The following SPNS1 variants were observed in gnomAD, a reference collection of about 807,000 sequenced individuals.
SPNS1 encodes SPNS lysolipid transporter 1, lysophospholipid.
In SPNS1, 22 loss-of-function variants were observed where a neutral mutation model predicts 50.3. That is an observed-to-expected ratio of 0.44 (90% CI 0.31 to 0.62). The LOEUF is 0.62. Among genes scored for constraint, SPNS1 ranks in the 20% least tolerant of loss-of-function variants. SPNS1 has a pLI of 0.07. For synonymous variants in SPNS1, 295 were observed against 317.4 expected, an observed-to-expected ratio of 0.93 and a Z score of 0.75; for missense variants, 576 against 728.6, an observed-to-expected ratio of 0.79 and a Z score of 2.41.
rs550212603 is a variant in SPNS1 at position 28,984,069 on chromosome 16, G to A, written c.1492+112G>A. ...TCAGTCCACAGCCCTCCCCTTGTTTGGCCTCCAGTCTGTCTGCATCCACCC... is the reference window on the plus strand; with the variant it reads ...TCAGTCCACAGCCCTCCCCTTGTTTAGCCTCCAGTCTGTCTGCATCCACCC... On this transcript the variant is annotated intron_variant, in intron 11 of 11. Transcript: ENST00000311008. 41 of 1,447,594 alleles carry A rather than the reference G, an allele frequency of 2.8e-5. 1 individual carries two copies. The Middle Eastern group carries it at 5.5e-4, about 19-fold the overall frequency. 89.7% of individuals were successfully genotyped at this position (1,447,594 alleles called of 1,614,324 possible). A position where few individuals can be genotyped will look rare whatever the true frequency, so the allele number is the denominator to read the frequency against.
intron 5 of SPNS1, 108 bp downstream of exon 5, chr16:28,979,579 CTTG>C (rs1965472709): frequency 2.5e-5 from 29 of 1,174,194 alleles, no homozygotes; most frequent in Non-Finnish European, 3.4e-5. Context: ...GAGACAGGGT[CTTG>C]TTGTGTCACC....
intron 7 of SPNS1, 138 bp from the exon 8 acceptor site, chr16:28,982,218 T>A: frequency 7.5e-7 from 1 of 1,341,878 alleles, no homozygotes; most frequent in African/African-American, 1.5e-5. Context: ...GATGGGATGA[T>A]GTCTGCCACT....
chr16:28,979,166 G>T lies in SPNS1; in HGVS notation c.456G>T (p.Leu152=), dbSNP rs773062727. ...GTCTCTCTCCCCAGCATTTCTGGCT[G>T]CTCCTCCTGACCCGGGGCCTGGTGG... ...SSFIPGEHFW[L]LLLTRGLVGV... Residue 152 remains leucine, a synonymous_variant, in exon 4 of 12, where the codon CTG becomes CTT. Coordinates refer to ENST00000311008, the MANE Select transcript of SPNS1 (RefSeq NM_032038.3). 6.2e-6 allele frequency: 10 copies of T among 1,613,738 alleles called. No homozygotes were observed. The African/African-American group carries it at 9.3e-5, about 15-fold the overall frequency.
chr16:28,982,476 C>G lies in SPNS1; in HGVS notation c.1086C>G (p.Gly362=), dbSNP rs1217590898. 3.1e-6 allele frequency: 5 copies of G among 1,613,864 alleles called. No homozygotes were observed. Among genetic ancestry groups the G allele is most frequent in the Non-Finnish European group, 2.5e-6 (3 of 1,179,946 alleles). The part of the protein sequence containing the change: ...PRADPLVCAT[G]LLGSAPFLFL... The stretch of plus-strand genomic sequence containing the variant: ...CTGATCCCCTGGTCTGTGCCACTGG[C>G]CTCCTGGGCTCTGCACCCTTCCTCT... The change falls in exon 8 of 12, where the codon GGC becomes GGG. Residue 362 remains glycine (G), a synonymous_variant. Transcript: ENST00000311008.
Position 28,983,707 on chromosome 16 carries a change from C to G in SPNS1, c.1321-79C>G. ...TTCCTGGGCTCCACTTGTCTTTCTC[C>G]CTGGAGCTCAGGGGCGTGCCCTCCC... On this transcript the variant is annotated intron_variant, in intron 10 of 11. Transcript: ENST00000311008. The surrounding 1 kb of genome is among the most constrained non-coding windows in gnomAD (Gnocchi z 5.4). The G allele has an allele frequency of 1.4e-6, 2 of 1,457,990 alleles. No homozygotes were observed. The highest frequency in any genetic ancestry group is 1.8e-6 in the Non-Finnish European group (2 of 1,095,030). The allele number at this position is 1,457,990 out of a possible 1,614,324, so 90.3% of individuals were successfully genotyped here.
chr16:28,975,000 C>T lies in SPNS1; in HGVS notation c.-152C>T. 6.9e-7 allele frequency: 1 copy of T among 1,447,032 alleles called. No homozygotes were observed. The highest frequency in any genetic ancestry group is 9.1e-7 in the Non-Finnish European group (1 of 1,101,550). The allele number at this position is 1,447,032 out of a possible 1,614,324, so 89.6% of individuals were successfully genotyped here. A position where few individuals can be genotyped will look rare whatever the true frequency, so the allele number is the denominator to read the frequency against. ...GCGTGACAGGGCCCGGGTCCCTTCT[C>T]AGTGGTGCTCTGTGCTTCAGGGCAA... On this transcript the variant is annotated 5_prime_UTR_variant, in exon 1 of 12. Coordinates refer to ENST00000311008, the MANE Select transcript of SPNS1 (RefSeq NM_032038.3).
intron 2 of SPNS1, among the ~76,000 whole-genome samples, chr16:28,976,823 G>T (rs1480007966): frequency 6.6e-6 from 1 of 152,192 alleles, no homozygotes; most frequent in African/African-American, 2.4e-5. Flanking sequence ...TAGGCAGCCG[G>T]ATTTATTCAC....
intron 2 of SPNS1, 127 bp from the exon 3 acceptor site, chr16:28,977,781 G>C (rs1330260231): frequency 1.6e-5 from 19 of 1,209,208 alleles, no homozygotes; most frequent in Non-Finnish European, 5.8e-6. Flanking sequence ...TTCAGGCTGG[G>C]ATGTGGGGGT....
At chr16:28,976,635 C>A (rs1965353869) in intron 2 of SPNS1, among the ~76,000 whole-genome samples, 1 of 152,160 alleles carries the variant, frequency 6.6e-6, no homozygotes, top group Non-Finnish European at 1.5e-5. Context: ...CAGGGTCACA[C>A]CACCAGTTGG....
intron 5 of SPNS1, 23 bp downstream of exon 5, chr16:28,979,494 G>T: frequency 6.2e-7 from 1 of 1,613,538 alleles, no homozygotes; most frequent in East Asian, 2.2e-5. Flanking sequence ...TTGGCCTGGG[G>T]GTAGGTCAGC....
At chr16:28,975,421 G>A in intron 1 of SPNS1, 29 bp downstream of exon 1, 1 of 1,614,238 alleles carries the variant, frequency 6.2e-7, no homozygotes, top group Non-Finnish European at 8.5e-7. Context: ...GAGGAAGATA[G>A]TCTAGGAGAG....
chr16:28,981,872 C>G lies in SPNS1; in HGVS notation c.810-29C>G. On this transcript the variant is annotated intron_variant, in intron 6 of 11. Coordinates refer to ENST00000311008, the MANE Select transcript of SPNS1 (RefSeq NM_032038.3). This position sits in a 1 kb window ranked among gnomAD's most constrained non-coding sequence, Gnocchi z 4.2. ...TCCTGCCTCGACACCTCCGTGGGGT[C>G]TTACTCTCTCCCTCCCAACTATCTG... 1 of 1,613,256 alleles carries G rather than the reference C, an allele frequency of 6.2e-7. No individual in the cohort carries two copies. Among genetic ancestry groups the G allele is most frequent in the Non-Finnish European group, 8.5e-7 (1 of 1,179,568 alleles).
At chr16:28,975,716 A>G (rs542830868) in intron 2 of SPNS1, among the ~76,000 whole-genome samples, 159 bp downstream of exon 2, 203 of 152,266 alleles carry the variant, frequency 1.3e-3, no homozygotes, top group Non-Finnish European at 2.0e-3. Context: ...GCGGGACACC[A>G]CATTTAAAGA....
rs1393513404 is a variant in SPNS1 at position 28,982,891 on chromosome 16, T to C, written c.1190T>C (p.Met397Thr). The change falls in exon 9 of 12, where the codon ATG becomes ACG. Residue 397 changes from methionine (M) to threonine (T), a missense_variant. Physicochemically the swap from Met to Thr is moderately conservative, Grantham distance 81. Around this residue, in one of 3 missense-constraint regions of SPNS1, gnomAD observed 428 missense variants for 520.1 expected, o/e 0.82. Transcript: ENST00000311008. The stretch of plus-strand genomic sequence containing the variant: ...TTCATTGGAGAGACCCTCCTGTCCA[T>C]GAACTGGGCCATCGTGGCCGACATT... ...FIFIGETLLS[M>T]NWAIVADILL... is the part of the protein sequence containing the mutation. The C allele has an allele frequency of 1.2e-6, 2 of 1,613,832 alleles. No individual in the cohort carries two copies. Among genetic ancestry groups the C allele is most frequent in the African/African-American group, 1.3e-5 (1 of 74,860 alleles).
Position 28,983,398 on chromosome 16 carries a change from C to T in SPNS1, c.1320+108C>T. The T allele has an allele frequency of 1.2e-6, 1 of 862,322 alleles. No homozygotes were observed. Among genetic ancestry groups the T allele is most frequent in the Non-Finnish European group, 1.9e-6 (1 of 521,600 alleles). 53.4% of individuals were successfully genotyped at this position (862,322 alleles called of 1,614,324 possible). On this transcript the variant is annotated intron_variant, in intron 10 of 11. Transcript: ENST00000311008. This position sits in a 1 kb window ranked among gnomAD's most constrained non-coding sequence, Gnocchi z 5.4. The stretch of plus-strand genomic sequence containing the variant: ...TCTGTGTCCTGCGTGCTGGGCACTT[C>T]TCACCTTCCATTGTCAACTGGAGGA...
chr16:28,983,277 A>G lies in SPNS1; in HGVS notation c.1307A>G (p.Tyr436Cys), dbSNP rs750273574. The G allele has an allele frequency of 1.4e-5, 22 of 1,613,614 alleles. No individual in the cohort carries two copies. Among genetic ancestry groups the G allele is most frequent in the Middle Eastern group, 1.6e-4 (1 of 6,084 alleles). ...SHLLGDAGSP[Y>C]LIGLISDRLR... ...CTGCTGGGTGATGCTGGGAGCCCCT[A>G]CCTCATTGGCCTGGTGAGCATTATT... Residue 436 changes from tyrosine (Y) to cysteine (C), a missense_variant, in exon 10 of 12, where the codon TAC (tyrosine) becomes TGC (cysteine). Around this residue, in one of 3 missense-constraint regions of SPNS1, gnomAD observed 428 missense variants for 520.1 expected, o/e 0.82. Transcript: ENST00000311008. This position sits in a 1 kb window ranked among gnomAD's most constrained non-coding sequence, Gnocchi z 5.4.
At position 28,981,259 on chromosome 16, in the gene SPNS1, C is replaced by T. The variant is rs1436148314; in HGVS notation, c.664-211C>T. 6.6e-6 allele frequency among the ~76,000 whole-genome samples: 1 copy of T among 152,188 alleles called. No individual in the cohort carries two copies. The highest frequency in any genetic ancestry group is 1.5e-5 in the Non-Finnish European group (1 of 68,042). ...GTACTGGTTTCCCAAAAGAAAATTA[C>T]CAAAGAGGAGACAAAGCTAGGCTTG... is the stretch of plus-strand genomic sequence containing the variant. On this transcript the variant is annotated intron_variant, in intron 5 of 11. Transcript: ENST00000311008. This position sits in a 1 kb window ranked among gnomAD's most constrained non-coding sequence, Gnocchi z 4.2.
rs778682616 is a variant in SPNS1, at chr16:28,975,558, G to T, written c.307+1G>T. 6.2e-7 allele frequency: 1 copy of T among 1,614,182 alleles called. No homozygotes were observed. The highest frequency in any genetic ancestry group is 1.1e-5 in the South Asian group (1 of 91,084). On this transcript the variant is annotated splice_donor_variant, in intron 2 of 11. Transcript: ENST00000311008. LOFTEE classifies it high-confidence loss of function. ...AGTAGCTCTGGGCTCATCCAGACCG[G>T]TGAGTGGGGACCACTCCTGGTCACA...
intron 5 of SPNS1, among the ~76,000 whole-genome samples, chr16:28,980,966 C>T (rs1362355590): frequency 6.6e-6 from 1 of 152,236 alleles, no homozygotes; most frequent in Non-Finnish European, 1.5e-5. Flanking sequence ...GGATCCAGGG[C>T]TCCCACACTG....
Sources: gnomAD v4.1 joint callset for allele counts (sites outside exome capture counted in the v4.1 genomes callset) on GRCh38, gnomAD v4.1.1 for gene constraint, gnomAD v4.1.1 regional missense constraint, Gnocchi (gnomAD v3.1) non-coding constraint, MANE v1.5 for transcripts, NCBI Gene and HGNC (gene_info 2026-07-23, HGNC 2026-07-21) for gene names.